The following FAT3 variants were observed in gnomAD, a reference collection of about 807,000 sequenced individuals.
FAT3 encodes the protein FAT atypical cadherin 3.
FAT3 carries 95 observed loss-of-function variants against 310.2 expected under a neutral mutation model. The ratio of observed to expected loss-of-function variants is 0.31; its 90% confidence interval spans 0.26 to 0.36. The LOEUF (loss-of-function observed/expected upper bound fraction) is 0.36, where lower values mean the gene tolerates loss of function less well. Ranked by LOEUF, FAT3 falls within the 10% of genes least tolerant of loss-of-function variation. FAT3 has a pLI of 1.00. For missense variants in FAT3, 5,408 were observed against 5,715.6 expected (o/e 0.95, Z 1.74); for synonymous variants, 2,314 against 2,192.9 (o/e 1.06, Z -1.54).
chr11:92,568,898 T>C (rs486472), intron 3 of FAT3, among the ~76,000 whole-genome samples: 69,693 of 152,090 alleles, frequency 0.46, 16,659 homozygotes, highest in African/African-American at 0.56. Context: ...GTCAACCCTC[T>C]GGTCACTGTA....
At chr11:92,482,772 C>T (rs1163172632) in intron 2 of FAT3, among the ~76,000 whole-genome samples, 1 of 152,198 alleles carries the variant, frequency 6.6e-6, no homozygotes, top group Non-Finnish European at 1.5e-5. Flanking sequence ...CACCCTTCCT[C>T]AACTACATAT....
In FAT3 at chr11:92,883,299, C is replaced by A. The variant is rs776392765; in HGVS notation, c.12843C>A (p.Val4281=). 1.2e-6 allele frequency: 2 copies of A among 1,612,466 alleles called. No individual in the cohort carries two copies. Among genetic ancestry groups the A allele is most frequent in the East Asian group, 2.2e-5 (1 of 44,866 alleles). ...PRILTARRGV[V]VCSVAPNLPA... is the part of the protein sequence containing the mutation. ...TCCTGACAGCCCGGCGGGGCGTGGTCGTGTGCAGTGTGGCCCCCAACCTCC... is the reference window on the plus strand; with the variant it reads ...TCCTGACAGCCCGGCGGGGCGTGGTAGTGTGCAGTGTGGCCCCCAACCTCC... The change falls in exon 24 of 28, where the codon GTC becomes GTA. Residue 4281 remains valine (V), a synonymous_variant. Coordinates refer to ENST00000525166, the MANE Select transcript of FAT3 (RefSeq NM_001367949.2). The surrounding 1 kb of genome is among the most constrained non-coding windows in gnomAD (Gnocchi z 4.2).
At chr11:92,785,019 A>G (rs1242426535) in intron 7 of FAT3, among the ~76,000 whole-genome samples, 1 of 151,700 alleles carries the variant, frequency 6.6e-6, no homozygotes, top group East Asian at 1.9e-4. Context: ...TAAGAACAAT[A>G]CCCAAAACTT....
intron 2 of FAT3, among the ~76,000 whole-genome samples, chr11:92,479,184 AT>A (rs1184257110): frequency 8.2e-6 from 1 of 121,486 alleles, no homozygotes; most frequent in Non-Finnish European, 1.8e-5. Context: ...TTTTTTTTGT[AT>A]TTTTTTGTAG....
chr11:92,835,736 A>G (rs1405483102), intron 15 of FAT3, among the ~76,000 whole-genome samples: 3 of 152,178 alleles, frequency 2.0e-5, no homozygotes, highest in African/African-American at 7.2e-5. Context: ...TTCCCCCTAC[A>G]CACACAGACA....
In FAT3 at chr11:92,763,084, G is replaced by A. The variant is rs183347839; in HGVS notation, c.3984+914G>A. ...TGAAGCAGGAGAAACGCTTGAACCCGGGAGGCAGAGGTTGCAGTGAGCCAA... is the reference window on the plus strand; with the variant it reads ...TGAAGCAGGAGAAACGCTTGAACCCAGGAGGCAGAGGTTGCAGTGAGCCAA... On this transcript the variant is annotated intron_variant, in intron 5 of 27. Coordinates refer to ENST00000525166, the MANE Select transcript of FAT3 (RefSeq NM_001367949.2). Among the ~76,000 whole-genome samples, 63 of 151,864 alleles carry A rather than the reference G, an allele frequency of 4.1e-4. 1 individual carries two copies. Among genetic ancestry groups the A allele is most frequent in the African/African-American group, 1.4e-3 (56 of 41,410 alleles).
chr11:92,263,319 C>T (rs1174530360), intron 1 of FAT3, among the ~76,000 whole-genome samples: 1 of 151,820 alleles, frequency 6.6e-6, no homozygotes, highest in East Asian at 1.9e-4. Context: ...TATATACACA[C>T]ACATATACAC....
chr11:92,272,188 T>C (rs908241076), intron 1 of FAT3, among the ~76,000 whole-genome samples: 5 of 152,012 alleles, frequency 3.3e-5, no homozygotes, highest in Admixed American at 3.3e-4. Context: ...TGCTGTAAAA[T>C]CTTGAAGGGG....
At position 92,353,120 on chromosome 11, in the gene FAT3, C is replaced by T; in HGVS notation, c.1008C>T (p.Ser336=). 1.2e-6 allele frequency: 2 copies of T among 1,613,644 alleles called. No individual in the cohort carries two copies. The highest frequency in any genetic ancestry group is 1.7e-6 in the Non-Finnish European group (2 of 1,179,850). The change falls in exon 2 of 28, where the codon AGC becomes AGT. Residue 336 remains serine (S), a synonymous_variant. Transcript: ENST00000525166. ...AGAGGAAGCAGATTGACTGGGAGAG[C>T]TTTCCCTATGGCTACAATCTCACTC... is the stretch of plus-strand genomic sequence containing the variant. ...IKERKQIDWE[S]FPYGYNLTLQ...
rs1171582152 is a variant in FAT3, at chr11:92,344,854, C to G, written c.-17-7242C>G. Among the ~76,000 whole-genome samples, 5 of 152,276 alleles carry G rather than the reference C, an allele frequency of 3.3e-5. No homozygotes were observed. In the East Asian group the frequency reaches 5.8e-4, roughly 18 times the overall value. ...ACTGGGTGTCTTGAAACGTACCCCCCTCAGATAAGGCTGGGGGAGGGCACT... is the reference window on the plus strand; with the variant it reads ...ACTGGGTGTCTTGAAACGTACCCCCGTCAGATAAGGCTGGGGGAGGGCACT... On this transcript the variant is annotated intron_variant, in intron 1 of 27. Coordinates refer to ENST00000525166, the MANE Select transcript of FAT3 (RefSeq NM_001367949.2).
In FAT3 at chr11:92,743,514, A is replaced by G. The variant is rs115262192; in HGVS notation, c.3670-18342A>G. On this transcript the variant is annotated intron_variant, in intron 4 of 27. Transcript: ENST00000525166. ...ACATTTAAGAAGTAGCACTTTAGGG[A>G]CATTGTTATATTGTATAGCTTGTGC... Among the ~76,000 whole-genome samples, 965 of 152,316 alleles carry G rather than the reference A, an allele frequency of 6.3e-3. 4 individuals carry two copies. The highest frequency in any genetic ancestry group is 0.022 in the African/African-American group (905 of 41,560).
At chr11:92,768,517 C>A (rs930325751) in intron 6 of FAT3, among the ~76,000 whole-genome samples, 2 of 152,184 alleles carry the variant, frequency 1.3e-5, no homozygotes, top group African/African-American at 4.8e-5. Context: ...CAACATCTTT[C>A]CCCTTCTTTA....
intron 2 of FAT3, among the ~76,000 whole-genome samples, chr11:92,369,758 A>C (rs1196263669): frequency 6.6e-6 from 1 of 152,100 alleles, no homozygotes; most frequent in Non-Finnish European, 1.5e-5. Context: ...GAGGCAGGAG[A>C]ATCGCTTGAA....
At chr11:92,777,100 A>T (rs1348251505) in intron 7 of FAT3, among the ~76,000 whole-genome samples, 1 of 152,252 alleles carries the variant, frequency 6.6e-6, no homozygotes, top group Non-Finnish European at 1.5e-5. Flanking sequence ...ACGCTGGGCA[A>T]CTTAATGATT....
At chr11:92,834,574 T>G (rs1948349670) in intron 14 of FAT3, among the ~76,000 whole-genome samples, 1 of 152,330 alleles carries the variant, frequency 6.6e-6, no homozygotes. Context: ...ACTCGTTAGT[T>G]GTGTGAGAGT....
intron 3 of FAT3, among the ~76,000 whole-genome samples, chr11:92,598,711 T>C (rs1452319991): frequency 6.6e-6 from 1 of 152,184 alleles, no homozygotes; most frequent in East Asian, 1.9e-4. Flanking sequence ...CACAGTGTAA[T>C]TGGCAAGTTG....
At chr11:92,665,010 A>G (rs888026571) in intron 3 of FAT3, among the ~76,000 whole-genome samples, 2 of 152,196 alleles carry the variant, frequency 1.3e-5, no homozygotes, top group Non-Finnish European at 2.9e-5. Flanking sequence ...GCAAGGGGCC[A>G]CATTTGTCTC....
intron 1 of FAT3, among the ~76,000 whole-genome samples, chr11:92,259,925 G>A (rs1464212196): frequency 6.6e-6 from 1 of 152,032 alleles, no homozygotes; most frequent in East Asian, 1.9e-4. Context: ...ATGTGGCTGG[G>A]GTGTTTTTAA....
In FAT3 at chr11:92,309,448, G is replaced by C. The variant is rs186706676; in HGVS notation, c.-17-42648G>C. ...TCTCCTAAGAGGCAGAGGTAGGGCA[G>C]ATTCTTCAGGAGCTTGCAAGTAGGA... On this transcript the variant is annotated intron_variant, in intron 1 of 27. Transcript: ENST00000525166. 4.6e-5 allele frequency among the ~76,000 whole-genome samples: 7 copies of C among 151,936 alleles called. No homozygotes were observed. In the East Asian group the frequency reaches 1.2e-3, roughly 25 times the overall value.
Sources: gnomAD v4.1 joint callset for allele counts (sites outside exome capture counted in the v4.1 genomes callset) on GRCh38, gnomAD v4.1.1 for gene constraint, Gnocchi (gnomAD v3.1) non-coding constraint, MANE v1.5 for transcripts, NCBI Gene and HGNC (gene_info 2026-07-23, HGNC 2026-07-21) for gene names.